Variants in SLC25A48 observed in about 807,000 individuals in gnomAD.
The protein encoded by SLC25A48 is CTC-321K16.1.
In SLC25A48, 29 loss-of-function variants were observed where a neutral mutation model predicts 32.2. The ratio of observed to expected loss-of-function variants is 0.90; its 90% CI spans 0.67 to 1.23. The LOEUF is 1.23. Ranked by LOEUF, SLC25A48 falls within the 50% of genes most tolerant of loss-of-function variation. SLC25A48 has a pLI of 0.00. For synonymous variants in SLC25A48, 164 were observed against 172.3 expected (o/e 0.95, Z 0.38); for missense variants, 399 against 422.7 (o/e 0.94, Z 0.49).
intron 3 of SLC25A48, among the ~76,000 whole-genome samples, chr5:135,686,280 G>T (rs1400551799): frequency 6.6e-6 from 1 of 152,184 alleles, no homozygotes; most frequent in Non-Finnish European, 1.5e-5. Context: ...ATTTCTGTGG[G>T]TTGTAGAGAG....
intron 1 of SLC25A48, among the ~76,000 whole-genome samples, chr5:135,628,154 T>C (rs912432110): frequency 2.0e-5 from 3 of 152,066 alleles, no homozygotes; most frequent in African/African-American, 7.2e-5. Context: ...GGGAGGTGCT[T>C]GTAGGGGTGA....
At chr5:135,580,239 A>G (rs1298589184) in intron 1 of SLC25A48, among the ~76,000 whole-genome samples, 3 of 152,214 alleles carry the variant, frequency 2.0e-5, no homozygotes, top group Admixed American at 2.0e-4. Context: ...ATACGGCTGC[A>G]GAACTGGGAC....
chr5:135,635,632 C>T (rs1752683138), intron 3 of SLC25A48, among the ~76,000 whole-genome samples: 1 of 152,198 alleles, frequency 6.6e-6, no homozygotes. Context: ...AAGTGGCTCT[C>T]TGGAGAAAGT....
intron 7 of SLC25A48, among the ~76,000 whole-genome samples, chr5:135,884,925 A>G (rs891467253): frequency 6.6e-6 from 1 of 152,078 alleles, no homozygotes. Context: ...TTGATGGTAG[A>G]AGGAGGCATG....
intron 3 of SLC25A48, among the ~76,000 whole-genome samples, chr5:135,852,338 A>G (rs1453493034): frequency 1.3e-5 from 2 of 152,046 alleles, no homozygotes; most frequent in South Asian, 2.1e-4. Context: ...CCAGGACACA[A>G]CCCACAGGAA....
chr5:135,873,074 G>A (rs1761786410), intron 5 of SLC25A48, among the ~76,000 whole-genome samples: 2 of 152,168 alleles, frequency 1.3e-5, no homozygotes, highest in Admixed American at 1.3e-4. Flanking sequence ...GGGCAAGGGA[G>A]TGCACCAGGG....
At position 135,764,784 on chromosome 5, in the gene SLC25A48, C is replaced by T. The variant is rs756966924; in HGVS notation, c.-520-47739C>T. The stretch of plus-strand genomic sequence containing the variant: ...GTGATATGGTTCATAATATCAAGGG[C>T]GAGAGAGGGTGATATTACTCCCCAT... On this transcript the variant is annotated intron_variant, in intron 3 of 10. Transcript: ENST00000646290. Among the ~76,000 whole-genome samples the T allele has an allele frequency of 9.4e-5, 13 of 138,084 alleles. No individual in the cohort carries two copies. The South Asian group carries it at 1.6e-3, about 17-fold the overall frequency. The allele number at this position is 138,084 out of a possible 152,430, so 90.6% of individuals were successfully genotyped here. A position where few individuals can be genotyped will look rare whatever the true frequency, so the allele number is the denominator to read the frequency against.
At chr5:135,828,568 C>T (rs1758125137) in intron 4 of SLC25A48, among the ~76,000 whole-genome samples, 1 of 152,244 alleles carries the variant, frequency 6.6e-6, no homozygotes, top group South Asian at 2.1e-4. Context: ...CTCAACTTCC[C>T]AAGGGCAAGC....
upstream of SLC25A48, among the ~76,000 whole-genome samples, chr5:135,831,855 G>T (rs1262999982): frequency 6.6e-6 from 1 of 152,226 alleles, no homozygotes; most frequent in African/African-American, 2.4e-5. Context: ...CAGGGGCAGA[G>T]GGACCCAGGA....
At chr5:135,654,875 G>A (rs546327372) in intron 3 of SLC25A48, among the ~76,000 whole-genome samples, 1 of 152,320 alleles carries the variant, frequency 6.6e-6, no homozygotes, top group African/African-American at 2.4e-5. Flanking sequence ...CGAGAACTCG[G>A]CCTGCCCCAC....
intron 3 of SLC25A48, among the ~76,000 whole-genome samples, chr5:135,701,495 A>G (rs988595923): frequency 6.6e-6 from 1 of 151,270 alleles, no homozygotes; most frequent in Admixed American, 6.6e-5. Context: ...CCCACCACAT[A>G]TACACCCTGA....
At chr5:135,868,663 CACACACACACACAT>C (rs1295307151) in intron 4 of SLC25A48, among the ~76,000 whole-genome samples, 2 of 87,640 alleles carry the variant, frequency 2.3e-5, no homozygotes. Context: ...TATGTGTATA[CACACACACACACAT>C]ACACACACAC....
Position 135,797,721 on chromosome 5 carries a change from C to T in SLC25A48, c.-520-14802C>T, listed in dbSNP as rs538485371. On this transcript the variant is annotated intron_variant, in intron 3 of 10. Coordinates refer to the SLC25A48 transcript ENST00000646290. ...TACAAATATTGCAGAAAGTGTAAAC[C>T]CCCCCCGTGATATTGTTCATAATTT... 7.9e-5 allele frequency among the ~76,000 whole-genome samples: 12 copies of T among 151,290 alleles called. No homozygotes were observed. In the East Asian group the frequency reaches 2.3e-3, roughly 30 times the overall value.
intron 3 of SLC25A48, among the ~76,000 whole-genome samples, chr5:135,795,450 G>T (rs1033776227): frequency 6.6e-6 from 1 of 151,768 alleles, no homozygotes; most frequent in Non-Finnish European, 1.5e-5. Context: ...GGAGAGAGGG[G>T]ATGGTATTAC....
chr5:135,857,539 T>C (rs1054874694), intron 4 of SLC25A48, among the ~76,000 whole-genome samples: 2 of 152,214 alleles, frequency 1.3e-5, no homozygotes, highest in African/African-American at 4.8e-5. Context: ...ATCTCCAAGA[T>C]GATAGTTATG....
At chr5:135,627,901 A>T (rs1752474073) in intron 1 of SLC25A48, among the ~76,000 whole-genome samples, 1 of 151,916 alleles carries the variant, frequency 6.6e-6, no homozygotes. Context: ...CAGCAAAAAG[A>T]CTCTATGCAT....
intron 3 of SLC25A48, among the ~76,000 whole-genome samples, chr5:135,754,136 T>C (rs7379672): frequency 0.76 from 115,683 of 151,772 alleles, 44,661 homozygotes; most frequent in Middle Eastern, 0.87. Context: ...ACAGGGTGTA[T>C]GCACAGGGTG....
chr5:135,705,603 A>G (rs1416988956), intron 3 of SLC25A48, among the ~76,000 whole-genome samples: 1 of 152,234 alleles, frequency 6.6e-6, no homozygotes, highest in African/African-American at 2.4e-5. Context: ...CATAAGTGGT[A>G]ACCTTGCTTG....
chr5:135,820,971 G>C (rs1381948626), intron 4 of SLC25A48, among the ~76,000 whole-genome samples: 1 of 152,152 alleles, frequency 6.6e-6, no homozygotes, highest in Non-Finnish European at 1.5e-5. Flanking sequence ...TGAGGTCCTG[G>C]AGATGTCTCA....
Sources: gnomAD v4.1 joint callset for allele counts (sites outside exome capture counted in the v4.1 genomes callset) on GRCh38, gnomAD v4.1.1 for gene constraint, MANE v1.5 for transcripts, NCBI Gene and HGNC (gene_info 2026-07-23, HGNC 2026-07-21) for gene names.